SUPT3H: variants seen among roughly 807,000 people sequenced by gnomAD.
The protein encoded by SUPT3H is SPT3 homolog, SAGA and STAGA complex component, also known as transcription initiation protein SPT3 homolog.
Under a neutral mutation model 44.3 loss-of-function variants are expected in SUPT3H, and 44 were observed. The ratio of observed to expected loss-of-function variants is 0.99; its 90% confidence interval spans 0.78 to 1.28. The LOEUF (loss-of-function observed/expected upper bound fraction) is 1.28, where lower values mean the gene tolerates loss of function less well. SUPT3H is among the 50% of genes most tolerant of loss of function. The pLI is 0.00. For missense variants in SUPT3H, 380 were observed against 387.1 expected, an observed-to-expected ratio of 0.98 and a Z score of 0.15; for synonymous variants, 124 against 125.6, an observed-to-expected ratio of 0.99 and a Z score of 0.09.
chr6:45,096,515 A>T (rs978380819), intron 3 of SUPT3H, among the ~76,000 whole-genome samples: 2 of 152,232 alleles, frequency 1.3e-5, no homozygotes, highest in African/African-American at 2.4e-5. Flanking sequence ...AAATTACTTA[A>T]AATGAAGCAC....
chr6:45,149,065 G>A (rs897442930), intron 2 of SUPT3H, among the ~76,000 whole-genome samples: 6 of 152,222 alleles, frequency 3.9e-5, no homozygotes, highest in Non-Finnish European at 8.8e-5. Flanking sequence ...TCTCTTTTGT[G>A]TGAACTGTTG....
At chr6:45,094,632 A>C (rs1797565176) in intron 3 of SUPT3H, among the ~76,000 whole-genome samples, 1 of 152,140 alleles carries the variant, frequency 6.6e-6, no homozygotes, top group Admixed American at 6.5e-5. Flanking sequence ...GGCATTCTAC[A>C]CAGAATATGC....
chr6:44,968,783 C>T (rs1462433592), intron 6 of SUPT3H, among the ~76,000 whole-genome samples: 1 of 152,140 alleles, frequency 6.6e-6, no homozygotes, highest in Middle Eastern at 3.2e-3. Flanking sequence ...ACTTTCTTTT[C>T]TCTGACTCAT....
At chr6:45,223,532 T>C (rs1422978243) in intron 2 of SUPT3H, among the ~76,000 whole-genome samples, 2 of 151,956 alleles carry the variant, frequency 1.3e-5, no homozygotes, top group Non-Finnish European at 2.9e-5. Flanking sequence ...ATTATAGAAC[T>C]TTTTTCTAAC....
chr6:45,186,673 A>G (rs1814267797), intron 2 of SUPT3H, among the ~76,000 whole-genome samples: 1 of 152,156 alleles, frequency 6.6e-6, no homozygotes, highest in African/African-American at 2.4e-5. Context: ...AAATTTGAGA[A>G]AATCTCAGAA....
At chr6:45,202,366 G>A (rs1000530057) in intron 2 of SUPT3H, among the ~76,000 whole-genome samples, 3 of 151,720 alleles carry the variant, frequency 2.0e-5, no homozygotes, top group Admixed American at 6.6e-5. Flanking sequence ...AAATAAAATA[G>A]TATAAAAGAA....
rs1011083420 is a variant in SUPT3H at position 45,123,151 on chromosome 6, A to G, written c.102-17145T>C. ...TTCACTTTAACAATATTCACTGAAC[A>G]TCAACCAAGATGAAAGTCCTCTCCT... On this transcript the variant is annotated intron_variant, in intron 2 of 10. Coordinates refer to ENST00000371459, the MANE Select transcript of SUPT3H (RefSeq NM_003599.4). Among the ~76,000 whole-genome samples, 15 of 152,186 alleles carry G rather than the reference A, an allele frequency of 9.9e-5. 1 individual carries two copies. In the South Asian group the frequency reaches 1.2e-3, roughly 13 times the overall value.
chr6:45,149,836 C>T (rs140772477), intron 2 of SUPT3H, among the ~76,000 whole-genome samples: 28 of 152,212 alleles, frequency 1.8e-4, no homozygotes, highest in Admixed American at 7.9e-4. Flanking sequence ...TAAAATTTCC[C>T]ATCCTTATTC....
chr6:45,259,216 A>C (rs1009349626), intron 2 of SUPT3H, among the ~76,000 whole-genome samples: 1 of 152,130 alleles, frequency 6.6e-6, no homozygotes, highest in African/African-American at 2.4e-5. Context: ...AATACTTTCA[A>C]AGTACCTATG....
chr6:45,108,431 T>C (rs1343275683), intron 2 of SUPT3H, among the ~76,000 whole-genome samples: 1 of 152,260 alleles, frequency 6.6e-6, no homozygotes, highest in Admixed American at 6.5e-5. Flanking sequence ...TGCATGTGCA[T>C]GTATCTTATA....
Position 45,194,695 on chromosome 6 carries a change from TA to T in SUPT3H, c.102-88690del, listed in dbSNP as rs1180918465. ...GTTAATAAAAATACATTAATTCTAA[TA>T]AAAAATACACTACGGTTATAATGCA... On this transcript the variant is annotated intron_variant, in intron 2 of 10. Transcript: ENST00000371459. Among the ~76,000 whole-genome samples the T allele has an allele frequency of 2.6e-5, 4 of 152,148 alleles. No homozygotes were observed. In the South Asian group the frequency reaches 8.3e-4, roughly 32 times the overall value.
intron 10 of SUPT3H, among the ~76,000 whole-genome samples, chr6:44,932,111 G>C (rs1377261187): frequency 6.6e-6 from 1 of 152,048 alleles, no homozygotes; most frequent in Non-Finnish European, 1.5e-5. Flanking sequence ...ACTTTCTTTA[G>C]ACTGTTGAAA....
chr6:45,332,531 T>C (rs1787724718), intron 2 of SUPT3H, among the ~76,000 whole-genome samples: 1 of 151,830 alleles, frequency 6.6e-6, no homozygotes, highest in Non-Finnish European at 1.5e-5. Context: ...TCTTCCATAC[T>C]GTTCTAACCT....
At chr6:45,040,229 G>A (rs958031004) in intron 3 of SUPT3H, among the ~76,000 whole-genome samples, 17 of 152,096 alleles carry the variant, frequency 1.1e-4, no homozygotes, top group African/African-American at 3.9e-4. Flanking sequence ...CTCTATTTAC[G>A]AAAATAAGCA....
chr6:45,109,754 C>A (rs1799778147), intron 2 of SUPT3H, among the ~76,000 whole-genome samples: 1 of 152,178 alleles, frequency 6.6e-6, no homozygotes, highest in East Asian at 1.9e-4. Flanking sequence ...ACAGTCACTT[C>A]CTTTTTTGCT....
intron 1 of SUPT3H, among the ~76,000 whole-genome samples, chr6:45,371,047 C>T (rs1030363191): frequency 4.6e-5 from 7 of 152,172 alleles, no homozygotes; most frequent in Admixed American, 4.6e-4. Flanking sequence ...GTTGTTCTTA[C>T]ACAAACTTAA....
intron 2 of SUPT3H, among the ~76,000 whole-genome samples, chr6:45,224,042 C>T (rs1584352130): frequency 6.8e-6 from 1 of 147,468 alleles, no homozygotes; most frequent in Non-Finnish European, 1.5e-5. Flanking sequence ...TCATAATGTA[C>T]CAAAAACAAA....
In SUPT3H at chr6:45,049,451, A is replaced by G. The variant is rs148650642; in HGVS notation, c.187-28819T>C. On this transcript the variant is annotated intron_variant, in intron 3 of 10. Coordinates refer to ENST00000371459, the MANE Select transcript of SUPT3H (RefSeq NM_003599.4). Reference sequence around the variant, plus strand: ...GCATGAGTCACTTCTCCTTTCCACAACTCAACTTTTACCTTCACAAAATAA... The same window carrying G: ...GCATGAGTCACTTCTCCTTTCCACAGCTCAACTTTTACCTTCACAAAATAA... Among the ~76,000 whole-genome samples, 293 of 152,208 alleles carry G rather than the reference A, an allele frequency of 1.9e-3. 2 individuals are homozygous for G. Among genetic ancestry groups the G allele is most frequent in the African/African-American group, 6.7e-3 (280 of 41,536 alleles).
chr6:45,161,764 CT>C (rs1809016879), intron 2 of SUPT3H, among the ~76,000 whole-genome samples: 1 of 152,148 alleles, frequency 6.6e-6, no homozygotes, highest in South Asian at 2.1e-4. Flanking sequence ...CTATATTATT[CT>C]TCTCTCGAAT....
Sources: allele counts gnomAD v4.1 joint callset (sites outside exome capture counted in the v4.1 genomes callset), GRCh38; gene constraint gnomAD v4.1.1; transcripts MANE v1.5; gene names NCBI Gene and HGNC (gene_info 2026-07-23, HGNC 2026-07-21).